IGF2BP3: variants seen among roughly 807,000 people sequenced by gnomAD.
IGF2BP3 encodes insulin-like growth factor 2 mRNA-binding protein 3.
In IGF2BP3, 9 loss-of-function variants were observed where a neutral mutation model predicts 73.8. The observed-to-expected ratio is 0.12, with a 90% CI of 0.07 to 0.21. The LOEUF is 0.21. Ranked by LOEUF, IGF2BP3 falls within the 10% of genes least tolerant of loss-of-function variation. The pLI, the probability that IGF2BP3 is intolerant of heterozygous loss-of-function variation, is 1.00. For synonymous variants in IGF2BP3, 258 were observed against 256.7 expected (o/e 1.01, Z -0.05); for missense variants, 542 against 714.0 (o/e 0.76, Z 2.75).
intron 3 of IGF2BP3, among the ~76,000 whole-genome samples, chr7:23,369,209 G>T (rs549152314): frequency 6.6e-6 from 1 of 152,126 alleles, no homozygotes; most frequent in Non-Finnish European, 1.5e-5. Context: ...GATGAACCAC[G>T]CATGCAACCA....
intron 3 of IGF2BP3, among the ~76,000 whole-genome samples, chr7:23,406,273 G>A (rs1039807604): frequency 2.5e-4 from 38 of 152,052 alleles, no homozygotes; most frequent in African/African-American, 8.5e-4. Context: ...GCACAACCAC[G>A]CAAGGTATCT....
chr7:23,462,786 C>A (rs995665578), intron 2 of IGF2BP3, among the ~76,000 whole-genome samples: 3 of 152,204 alleles, frequency 2.0e-5, no homozygotes, highest in Non-Finnish European at 2.9e-5. Context: ...ACAAAATTCA[C>A]AGAATATGTC....
intron 3 of IGF2BP3, among the ~76,000 whole-genome samples, chr7:23,400,745 T>C (rs1479876915): frequency 6.6e-6 from 1 of 152,240 alleles, no homozygotes; most frequent in African/African-American, 2.4e-5. Flanking sequence ...CATCGCAGTG[T>C]AATGACTGTG....
chr7:23,321,788 G>A (rs1232526583), intron 10 of IGF2BP3, among the ~76,000 whole-genome samples: 2 of 152,198 alleles, frequency 1.3e-5, no homozygotes, highest in East Asian at 1.9e-4. Context: ...CAGCCTAACT[G>A]GGAGGCACCC....
Position 23,410,479 on chromosome 7 carries a change from A to G in IGF2BP3, c.285+8297T>C, listed in dbSNP as rs1786984322. On this transcript the variant is annotated intron_variant, in intron 3 of 14. Coordinates refer to ENST00000258729, the MANE Select transcript of IGF2BP3 (RefSeq NM_006547.3). ...GACATGGGGTAAACATGGAGGGAGC[A>G]GGGTGGGGTCAGAAATGCTTGCCTC... 2.0e-5 allele frequency among the ~76,000 whole-genome samples: 3 copies of G among 152,206 alleles called. No homozygotes were observed. The South Asian group carries it at 6.2e-4, about 32-fold the overall frequency.
chr7:23,370,302 T>C (rs1193080606), intron 3 of IGF2BP3, among the ~76,000 whole-genome samples: 1 of 152,222 alleles, frequency 6.6e-6, no homozygotes, highest in Non-Finnish European at 1.5e-5. Flanking sequence ...GTCACAGTAA[T>C]CTAGTTTTCA....
At chr7:23,399,195 G>C (rs1786580355) in intron 3 of IGF2BP3, among the ~76,000 whole-genome samples, 1 of 151,854 alleles carries the variant, frequency 6.6e-6, no homozygotes, top group Admixed American at 6.6e-5. Flanking sequence ...GTTTTTGTCA[G>C]GTTTGTCAAA....
chr7:23,468,435 A>G (rs1788621051), intron 2 of IGF2BP3, 47 bp downstream of exon 2: 1 of 1,600,300 alleles, frequency 6.2e-7, no homozygotes, highest in Admixed American at 1.7e-5. Flanking sequence ...TCTCCACCCA[A>G]TAACGGAGTG....
intron 2 of IGF2BP3, among the ~76,000 whole-genome samples, chr7:23,459,027 T>G (rs562017577): frequency 3.3e-5 from 5 of 152,212 alleles, no homozygotes; most frequent in African/African-American, 9.6e-5. Context: ...TCTCCCAGGG[T>G]TCTATGGAGA....
intron 10 of IGF2BP3, among the ~76,000 whole-genome samples, chr7:23,332,467 G>A (rs1784467526): frequency 6.6e-6 from 1 of 152,114 alleles, no homozygotes; most frequent in Non-Finnish European, 1.5e-5. Context: ...TCTCCCTTCT[G>A]GCTATTCAGC....
In IGF2BP3 at chr7:23,343,733, A is replaced by G. The variant is rs1303776101; in HGVS notation, c.1062T>C (p.Asp354=). Residue 354 remains aspartate, a synonymous_variant, in exon 9 of 15, where the codon GAT becomes GAC. Coordinates refer to ENST00000258729, the MANE Select transcript of IGF2BP3 (RefSeq NM_006547.3). ...MKKIRESYEN[D]IASMNLQAHL... Reference sequence around the variant, plus strand: ...CAAAACTAACATTCATAGAAGCAATATCATTTTCATAAGACTCCCTGATTT... The same window carrying G: ...CAAAACTAACATTCATAGAAGCAATGTCATTTTCATAAGACTCCCTGATTT... 1 of 1,611,572 alleles carries G rather than the reference A, an allele frequency of 6.2e-7. No individual in the cohort carries two copies. Among genetic ancestry groups the G allele is most frequent in the East Asian group, 2.2e-5 (1 of 44,870 alleles).
intron 3 of IGF2BP3, chr7:23,394,474 C>T (rs1379571553): frequency 3.3e-5 from 5 of 152,134 alleles, no homozygotes; most frequent in East Asian, 1.9e-4. Context: ...CTCCCCTGCG[C>T]CTACCCTCCC....
chr7:23,320,644 TAAA>T (rs35291021), intron 10 of IGF2BP3, among the ~76,000 whole-genome samples: 11 of 115,332 alleles, frequency 9.5e-5, no homozygotes, highest in Non-Finnish European at 1.1e-4. Flanking sequence ...TGCTTTTGTT[TAAA>T]AAAAAAAAAA....
chr7:23,424,127 A>C (rs766002985), intron 2 of IGF2BP3, among the ~76,000 whole-genome samples: 18 of 151,834 alleles, frequency 1.2e-4, no homozygotes, highest in Non-Finnish European at 1.5e-4. Flanking sequence ...CAAACAAAAA[A>C]ATTTTTTTTT....
chr7:23,375,926 A>G (rs1317372999), intron 3 of IGF2BP3, among the ~76,000 whole-genome samples: 2 of 152,280 alleles, frequency 1.3e-5, no homozygotes, highest in African/African-American at 2.4e-5. Context: ...AAATTCCTAA[A>G]CTAGTTCAAT....
At chr7:23,339,114 A>G (rs1784645875) in intron 10 of IGF2BP3, among the ~76,000 whole-genome samples, 2 of 152,260 alleles carry the variant, frequency 1.3e-5, no homozygotes, top group South Asian at 4.1e-4. Flanking sequence ...TACTGTTGGC[A>G]GCTTCTGCAA....
At chr7:23,315,087 G>A (rs1783946848) in intron 12 of IGF2BP3, among the ~76,000 whole-genome samples, 1 of 152,032 alleles carries the variant, frequency 6.6e-6, no homozygotes, top group African/African-American at 2.4e-5. Context: ...ATGGGCATGA[G>A]CCACTCACTG....
At chr7:23,343,011 GA>G (rs1486709789) in intron 9 of IGF2BP3, among the ~76,000 whole-genome samples, 1 of 151,820 alleles carries the variant, frequency 6.6e-6, no homozygotes, top group South Asian at 2.1e-4. Flanking sequence ...TGGCCCAATT[GA>G]AAAAAAATTA....
At chr7:23,446,484 G>A (rs1166081948) in intron 2 of IGF2BP3, among the ~76,000 whole-genome samples, 1 of 152,132 alleles carries the variant, frequency 6.6e-6, no homozygotes, top group African/African-American at 2.4e-5. Context: ...TTGAACCCAG[G>A]AGGCAGAGGT....
Sources: gnomAD v4.1 joint callset for allele counts (sites outside exome capture counted in the v4.1 genomes callset) on GRCh38, gnomAD v4.1.1 for gene constraint, MANE v1.5 for transcripts, NCBI Gene and HGNC (gene_info 2026-07-23, HGNC 2026-07-21) for gene names.